Variants in ZNF619 observed in about 807,000 individuals in gnomAD.
ZNF619 encodes the protein zinc finger protein 619.
A neutral mutation model predicts 14.2 loss-of-function variants in ZNF619; 9 were observed. The observed-to-expected ratio is 0.64, with a 90% CI of 0.38 to 1.11. ZNF619 has a LOEUF of 1.11. ZNF619 is among the 50% of genes least tolerant of loss of function. The pLI is 0.01. For synonymous variants in ZNF619, 246 were observed against 252.8 expected (o/e 0.97, Z 0.26); for missense variants, 659 against 680.1 (o/e 0.97, Z 0.34).
chr3:40,487,175 A>T lies in ZNF619; in HGVS notation c.665A>T (p.His222Leu), dbSNP rs141182407. 3 of 1,614,214 alleles carry T rather than the reference A, an allele frequency of 1.9e-6. No homozygotes were observed. Among genetic ancestry groups the T allele is most frequent in the East Asian group, 4.5e-5 (2 of 44,882 alleles). The stretch of plus-strand genomic sequence containing the variant: ...AACCCACATTCAGACTTTCACCTGC[A>T]TCAGAGAGTTCACACTAATGAGAAG... Reference protein sequence around the residue: ...YYNPHSDFHLHQRVHTNEKPY... With the variant: ...YYNPHSDFHLLQRVHTNEKPY... Residue 222 changes from histidine to leucine, a missense_variant, in exon 5 of 5, where the codon CAT (histidine) becomes CTT (leucine). His to Leu is a moderately conservative substitution (Grantham distance 99). Coordinates refer to ENST00000432264, the MANE Select transcript of ZNF619 (RefSeq NM_001145093.4).
intron 4 of ZNF619, among the ~76,000 whole-genome samples, chr3:40,485,363 G>A (rs1014370216): frequency 6.6e-5 from 10 of 151,060 alleles, no homozygotes; most frequent in East Asian, 1.9e-4. Flanking sequence ...GCGCAGTGGC[G>A]CAATGTTGGC....
At chr3:40,482,777 A>T in intron 4 of ZNF619, 73 bp downstream of exon 4, 6 of 1,208,936 alleles carry the variant, frequency 5.0e-6, no homozygotes, top group Non-Finnish European at 7.0e-6. Flanking sequence ...AGCATGAAAA[A>T]GGTTTTTCCT....
intron 2 of ZNF619, among the ~76,000 whole-genome samples, chr3:40,480,748 C>T (rs533665419): frequency 6.6e-6 from 1 of 152,258 alleles, no homozygotes; most frequent in South Asian, 2.1e-4. Flanking sequence ...GATCTGCCCG[C>T]CTCGGCCTCC....
chr3:40,482,130 A>T, intron 3 of ZNF619, 114 bp downstream of exon 3: 2 of 1,549,702 alleles, frequency 1.3e-6, no homozygotes, highest in Non-Finnish European at 1.7e-6. Context: ...CTATGGGCTG[A>T]GCTCCCTAAT....
chr3:40,486,907 G>GT lies in ZNF619; in HGVS notation c.399dup (p.Pro134SerfsTer5). The GT allele has an allele frequency of 1.2e-6, 2 of 1,614,164 alleles. No homozygotes were observed. Among genetic ancestry groups the GT allele is most frequent in the Non-Finnish European group, 1.7e-6 (2 of 1,180,040 alleles). ...GATAGTGGAGGGACTGCTGATGGAC[G>GT]TTCCCCAGCACCCTGACTTCAAGGA... On this transcript the variant is annotated frameshift_variant, in exon 5 of 5. Coordinates refer to ENST00000432264, the MANE Select transcript of ZNF619 (RefSeq NM_001145093.4). LOFTEE classifies it low-confidence loss of function (END_TRUNC).
Position 40,487,748 on chromosome 3 carries a change from C to T in ZNF619, c.1238C>T (p.Ser413Phe), listed in dbSNP as rs1427213899. ...TGTTGGAAAACTTTCAGCTGTAGCTCCCGCTTCATAGTGCATCAGAGAATC... is the reference window on the plus strand; with the variant it reads ...TGTTGGAAAACTTTCAGCTGTAGCTTCCGCTTCATAGTGCATCAGAGAATC... ...NECWKTFSCS[S>F]RFIVHQRIHN... is the part of the protein sequence containing the mutation. The change falls in exon 5 of 5, where the codon TCC becomes TTC. Residue 413 changes from serine (S) to phenylalanine (F), a missense_variant. Physicochemically the swap from Ser to Phe is radical, Grantham distance 155 (BLOSUM62 -2). Coordinates refer to ENST00000432264, the MANE Select transcript of ZNF619 (RefSeq NM_001145093.4). The T allele has an allele frequency of 1.9e-6, 3 of 1,613,670 alleles. No individual in the cohort carries two copies. Among genetic ancestry groups the T allele is most frequent in the Non-Finnish European group, 8.5e-7 (1 of 1,179,886 alleles).
chr3:40,481,417 T>C (rs1467648118), intron 2 of ZNF619, among the ~76,000 whole-genome samples: 1 of 152,132 alleles, frequency 6.6e-6, no homozygotes, highest in Non-Finnish European at 1.5e-5. Context: ...AGGGGAGAAA[T>C]ATCCAGGATG....
chr3:40,488,723 T>G lies in ZNF619; in HGVS notation c.*482T>G, dbSNP rs1697722744. Reference sequence around the variant, plus strand: ...GTCACCCAGGCTGTTTGCAGTGGTGTGATCTTGGCTCACTGCAACCTCTGC... The same window carrying G: ...GTCACCCAGGCTGTTTGCAGTGGTGGGATCTTGGCTCACTGCAACCTCTGC... On this transcript the variant is annotated 3_prime_UTR_variant, in exon 5 of 5. Transcript: ENST00000432264. 1 of 155,222 alleles carries G rather than the reference T, an allele frequency of 6.4e-6. No homozygotes were observed. The highest frequency in any genetic ancestry group is 6.3e-5 in the Admixed American group (1 of 15,810). 9.6% of individuals were successfully genotyped at this position (155,222 alleles called of 1,614,324 possible). A position where few individuals can be genotyped will look rare whatever the true frequency, so the allele number is the denominator to read the frequency against.
In ZNF619 at chr3:40,486,860, A is replaced by C; in HGVS notation, c.350A>C (p.Lys117Thr). 8 of 1,612,518 alleles carry C rather than the reference A, an allele frequency of 5.0e-6. No individual in the cohort carries two copies. Among genetic ancestry groups the C allele is most frequent in the Non-Finnish European group, 6.8e-6 (8 of 1,179,598 alleles). Residue 117 changes from lysine (K) to threonine (T), a missense_variant, in exon 5 of 5, where the codon AAA (lysine) becomes ACA (threonine). Lys to Thr is a moderately conservative substitution (Grantham distance 78, BLOSUM62 -1). Transcript: ENST00000432264. ...AAAACTGCACAGCTAAACATTTCTA[A>C]AGAATCAGAGTCCCACAGACTGATA... Reference protein sequence around the residue: ...EEKTAQLNISKESESHRLIVE... With the variant: ...EEKTAQLNISTESESHRLIVE...
rs1376276872 is a variant in ZNF619, at chr3:40,477,291, C to A, written c.-129C>A. On this transcript the variant is annotated 5_prime_UTR_variant, in exon 1 of 5. Transcript: ENST00000432264. Reference sequence around the variant, plus strand: ...GCCGCCGCCAGAGCCTGGGCCCAGTCCCCAGTCTTCAGAGACGCCCTCGAC... The same window carrying A: ...GCCGCCGCCAGAGCCTGGGCCCAGTACCCAGTCTTCAGAGACGCCCTCGAC... The A allele has an allele frequency of 6.5e-6, 1 of 152,790 alleles. No homozygotes were observed. Among genetic ancestry groups the A allele is most frequent in the African/African-American group, 2.4e-5 (1 of 41,470 alleles). 9.5% of individuals were successfully genotyped at this position (152,790 alleles called of 1,614,324 possible).
intron 1 of ZNF619, 194 bp from the exon 2 acceptor site, chr3:40,477,723 TC>T (rs1697240277): frequency 2.0e-6 from 1 of 491,198 alleles, no homozygotes. Flanking sequence ...TTCTAGAGTT[TC>T]CAGTGTCACC....
At chr3:40,483,331 C>T (rs1697469842) in intron 4 of ZNF619, among the ~76,000 whole-genome samples, 2 of 147,962 alleles carry the variant, frequency 1.4e-5, no homozygotes, top group Non-Finnish European at 1.5e-5. Context: ...CGCTTTGTTG[C>T]CTAGGCTGGA....
chr3:40,485,425 A>G (rs776643031), intron 4 of ZNF619, among the ~76,000 whole-genome samples: 8 of 151,266 alleles, frequency 5.3e-5, no homozygotes, highest in Non-Finnish European at 1.0e-4. Context: ...CCTCAGCCTC[A>G]TGAGTAGCTG....
At chr3:40,483,674 G>C (rs765786166) in intron 4 of ZNF619, 11 of 450,508 alleles carry the variant, frequency 2.4e-5, no homozygotes, top group South Asian at 1.7e-4. Context: ...TGTTGCCCAG[G>C]CTGGAGTGCA....
Position 40,477,292 on chromosome 3 carries a change from C to A in ZNF619, c.-128C>A, listed in dbSNP as rs77777884. 880 of 152,898 alleles carry A rather than the reference C, an allele frequency of 5.8e-3. 6 individuals carry two copies. The highest frequency in any genetic ancestry group is 9.5e-3 in the Non-Finnish European group (651 of 68,504). The allele number at this position is 152,898 out of a possible 1,614,324, so 9.5% of individuals were successfully genotyped here. A position where few individuals can be genotyped will look rare whatever the true frequency, so the allele number is the denominator to read the frequency against. Reference sequence around the variant, plus strand: ...CCGCCGCCAGAGCCTGGGCCCAGTCCCCAGTCTTCAGAGACGCCCTCGACC... The same window carrying A: ...CCGCCGCCAGAGCCTGGGCCCAGTCACCAGTCTTCAGAGACGCCCTCGACC... On this transcript the variant is annotated 5_prime_UTR_variant, in exon 1 of 5. Transcript: ENST00000432264.
intron 2 of ZNF619, 115 bp downstream of exon 2, chr3:40,478,118 T>G: frequency 3.9e-6 from 4 of 1,014,146 alleles, no homozygotes; most frequent in Non-Finnish European, 2.9e-6. Flanking sequence ...TTCAATAAAG[T>G]ATGTAAAAAC....
intron 4 of ZNF619, among the ~76,000 whole-genome samples, chr3:40,483,330 GC>G (rs1375903969): frequency 7.4e-6 from 1 of 134,544 alleles, no homozygotes; most frequent in Non-Finnish European, 1.6e-5. Flanking sequence ...TCGCTTTGTT[GC>G]CTAGGCTGGA....
In ZNF619 at chr3:40,477,938, T is replaced by C. The variant is rs4553952; in HGVS notation, c.-42T>C. 0.98 allele frequency: 1,526,612 copies of C among 1,552,670 alleles called. 750,608 individuals carry two copies. The highest frequency in any genetic ancestry group is 1 in the East Asian group (40,955 of 40,958). On this transcript the variant is annotated 5_prime_UTR_variant, in exon 2 of 5. Coordinates refer to ENST00000432264, the MANE Select transcript of ZNF619 (RefSeq NM_001145093.4). ...CTTAGCTCCGCAGGTTCTTACTTTT[T>C]CAAACCTAGAGGGCAGTGCATGAAG...
chr3:40,482,074 T>C, intron 3 of ZNF619, 58 bp downstream of exon 3: 1 of 1,556,556 alleles, frequency 6.4e-7, no homozygotes, highest in Non-Finnish European at 8.7e-7. Context: ...CCTAGATTCC[T>C]CCTTAGCAGA....
Sources: allele counts gnomAD v4.1 joint callset (sites outside exome capture counted in the v4.1 genomes callset), GRCh38; gene constraint gnomAD v4.1.1; transcripts MANE v1.5; gene names NCBI Gene and HGNC (gene_info 2026-07-23, HGNC 2026-07-21).